The following RIN2 variants were observed in gnomAD, a reference collection of about 807,000 sequenced individuals.
RIN2 encodes Ras and Rab interactor 2, also known as RAB5 interacting protein 2.
In RIN2, 36 loss-of-function variants were observed where a neutral mutation model predicts 78.0. The ratio of observed to expected loss-of-function variants is 0.46; its 90% CI spans 0.35 to 0.61. RIN2 has a LOEUF of 0.61. Ranked by LOEUF, RIN2 falls within the 20% of genes least tolerant of loss-of-function variation. The pLI is 0.00. For synonymous variants in RIN2, 466 were observed against 466.8 expected, an observed-to-expected ratio of 1.00 and a Z score of 0.02; for missense variants, 1,087 against 1,159.7, an observed-to-expected ratio of 0.94 and a Z score of 0.91.
intron 2 of RIN2, among the ~76,000 whole-genome samples, chr20:19,826,301 A>G (rs1003885467): frequency 3.3e-5 from 5 of 152,232 alleles, no homozygotes; most frequent in East Asian, 3.8e-4. Flanking sequence ...CATTTATTAT[A>G]TTACACACAT....
At chr20:19,872,091 T>TG (rs899828521) in intron 2 of RIN2, 1 of 152,074 alleles carries the variant, frequency 6.6e-6, no homozygotes, top group African/African-American at 2.4e-5. Flanking sequence ...CCATGCCTAG[T>TG]GATAGTAACT....
rs574247001 is a variant in RIN2 at position 19,953,431 on chromosome 20, G to GCTTTT, written c.159-3163_159-3159dup. Among the ~76,000 whole-genome samples the GCTTTT allele has an allele frequency of 7.4e-4, 109 of 146,444 alleles. 1 individual carries two copies. The highest frequency in any genetic ancestry group is 1.9e-3 in the African/African-American group (78 of 41,012). On this transcript the variant is annotated intron_variant, in intron 4 of 12. Coordinates refer to ENST00000255006, the MANE Select transcript of RIN2 (RefSeq NM_018993.4). ...TTACAGGCGTGAGCCACTGCACCTG[G>GCTTTT]CTTTTCTTTTCTTTTCTTTTCTTTT...
At chr20:19,962,116 C>T (rs552144448) in intron 6 of RIN2, among the ~76,000 whole-genome samples, 1 of 145,510 alleles carries the variant, frequency 6.9e-6, no homozygotes, top group African/African-American at 2.5e-5. Flanking sequence ...GCCTGGGCAA[C>T]ATGGCAAAAC....
At chr20:19,799,859 C>T (rs866658257) in intron 2 of RIN2, 112 bp downstream of exon 2, 3 of 152,070 alleles carry the variant, frequency 2.0e-5, no homozygotes, top group African/African-American at 7.2e-5. Context: ...GATATGTGGT[C>T]GTGGAAGGGA....
intron 2 of RIN2, among the ~76,000 whole-genome samples, chr20:19,844,512 GC>G (rs2036672831): frequency 6.6e-6 from 1 of 152,100 alleles, no homozygotes; most frequent in Non-Finnish European, 1.5e-5. Flanking sequence ...AGGTAGTCAA[GC>G]AAATGGGTGC....
intron 3 of RIN2, among the ~76,000 whole-genome samples, chr20:19,916,446 C>A (rs2039688463): frequency 6.6e-6 from 1 of 152,112 alleles, no homozygotes; most frequent in Non-Finnish European, 1.5e-5. Flanking sequence ...TAGCGAGATT[C>A]CATCTGTACA....
At chr20:19,908,249 T>G (rs2039304066) in intron 3 of RIN2, among the ~76,000 whole-genome samples, 1 of 152,116 alleles carries the variant, frequency 6.6e-6, no homozygotes, top group Non-Finnish European at 1.5e-5. Context: ...CCCAGCACTT[T>G]GGGAGGCCGA....
At chr20:19,941,273 T>A (rs942853499) in intron 4 of RIN2, among the ~76,000 whole-genome samples, 5 of 152,146 alleles carry the variant, frequency 3.3e-5, no homozygotes, top group Non-Finnish European at 7.3e-5. Flanking sequence ...GGCTCCTCCC[T>A]TGTACAATTG....
chr20:19,879,672 G>A (rs1015379486), intron 2 of RIN2, among the ~76,000 whole-genome samples: 1 of 152,208 alleles, frequency 6.6e-6, no homozygotes, highest in African/African-American at 2.4e-5. Flanking sequence ...AGTTTAGCAC[G>A]TGTTTCCGTG....
In RIN2 at chr20:19,835,910, G is replaced by A. The variant is rs184118421; in HGVS notation, c.-37+36163G>A. Among the ~76,000 whole-genome samples, 11 of 152,292 alleles carry A rather than the reference G, an allele frequency of 7.2e-5. No individual in the cohort carries two copies. In the East Asian group the frequency reaches 9.6e-4, roughly 13 times the overall value. ...TCTTGCTCCTCTAAGGATGACAGTC[G>A]ATGAGGGAATCCAGGGTCCTTGCCT... On this transcript the variant is annotated intron_variant, in intron 2 of 12. Transcript: ENST00000255006.
In RIN2 at chr20:19,823,671, G is replaced by C. The variant is rs1396568281; in HGVS notation, c.-37+23924G>C. The C allele has an allele frequency of 4.4e-6, 7 of 1,577,654 alleles. No homozygotes were observed. The East Asian group carries it at 1.3e-4, about 30-fold the overall frequency. On this transcript the variant is annotated intron_variant, in intron 2 of 12. Transcript: ENST00000255006. The stretch of plus-strand genomic sequence containing the variant: ...GTTTAATGTTTTTCTGTTTCTTTCT[G>C]TCTCTTGGTGGTTCCTTGAGGGCTT...
intron 3 of RIN2, among the ~76,000 whole-genome samples, chr20:19,897,766 C>T (rs945005647): frequency 6.6e-6 from 1 of 151,528 alleles, no homozygotes. Context: ...GGCTGGAGGG[C>T]TGTGGTGTGA....
At chr20:19,919,973 G>A (rs447737) in intron 3 of RIN2, among the ~76,000 whole-genome samples, 6,932 of 152,120 alleles carry the variant, frequency 0.046, 258 homozygotes, top group East Asian at 0.17. Flanking sequence ...TGGGGCTGCC[G>A]AAAGCCTTAG....
chr20:19,992,660 A>T (rs1465091582), intron 11 of RIN2, among the ~76,000 whole-genome samples: 2 of 152,254 alleles, frequency 1.3e-5, no homozygotes, highest in Non-Finnish European at 2.9e-5. Flanking sequence ...GAAAAAATAT[A>T]ACCCCATCTT....
At chr20:19,765,852 G>A (rs750974358) in intron 1 of RIN2, among the ~76,000 whole-genome samples, 2 of 152,084 alleles carry the variant, frequency 1.3e-5, no homozygotes, top group Non-Finnish European at 2.9e-5. Flanking sequence ...TTGAAGGAAG[G>A]TGACTTCATC....
intron 2 of RIN2, among the ~76,000 whole-genome samples, chr20:19,850,349 C>A (rs906419365): frequency 6.6e-6 from 1 of 152,158 alleles, no homozygotes; most frequent in Non-Finnish European, 1.5e-5. Flanking sequence ...CTCCTCCGTG[C>A]AGGCTGTTGT....
intron 2 of RIN2, among the ~76,000 whole-genome samples, chr20:19,845,745 G>T (rs2036761272): frequency 6.6e-6 from 1 of 152,026 alleles, no homozygotes; most frequent in South Asian, 2.1e-4. Flanking sequence ...GATCCCATTT[G>T]TCTATTTTGG....
chr20:19,889,020 C>A, intron 2 of RIN2: 1 of 563,084 alleles, frequency 1.8e-6, no homozygotes, highest in Non-Finnish European at 2.2e-6. Context: ...TCCCTGTAAA[C>A]AGTGACAGGA....
chr20:19,983,604 A>T (rs187866890), intron 9 of RIN2, among the ~76,000 whole-genome samples: 6 of 76,384 alleles, frequency 7.9e-5, no homozygotes, highest in Admixed American at 4.1e-4. Flanking sequence ...TTACCTTTTT[A>T]AAAAAAAATC....
Sources: gnomAD v4.1 joint callset for allele counts (sites outside exome capture counted in the v4.1 genomes callset) on GRCh38, gnomAD v4.1.1 for gene constraint, MANE v1.5 for transcripts, NCBI Gene and HGNC (gene_info 2026-07-23, HGNC 2026-07-21) for gene names.